Variants in APLP2 observed in about 807,000 individuals in gnomAD.
APLP2 encodes amyloid beta precursor like protein 2.
In APLP2, 53 loss-of-function variants were observed where a neutral mutation model predicts 89.9. That is an observed-to-expected ratio of 0.59 (90% CI 0.47 to 0.74). The LOEUF is 0.74. Ranked by LOEUF, APLP2 falls within the 30% of genes least tolerant of loss-of-function variation. The pLI, the probability that APLP2 is intolerant of heterozygous loss-of-function variation, is 0.00. For missense variants in APLP2, 973 were observed against 975.9 expected (o/e 1.00, Z 0.04); for synonymous variants, 372 against 348.6 (o/e 1.07, Z -0.75).
intron 1 of APLP2, among the ~76,000 whole-genome samples, chr11:130,092,986 G>A (rs541320135): frequency 4.7e-4 from 71 of 152,150 alleles, no homozygotes; most frequent in Admixed American, 1.2e-3. Context: ...AGGCCCCAGG[G>A]GACATAGATG....
chr11:130,110,699 C>A, intron 3 of APLP2, 38 bp downstream of exon 3: 1 of 1,565,622 alleles, frequency 6.4e-7, no homozygotes, highest in Non-Finnish European at 8.6e-7. Flanking sequence ...AGTGCCAGCC[C>A]CCTCCCATTT....
intron 1 of APLP2, among the ~76,000 whole-genome samples, chr11:130,104,480 A>G (rs1253423190): frequency 1.3e-5 from 2 of 151,936 alleles, no homozygotes; most frequent in Non-Finnish European, 2.9e-5. Flanking sequence ...AGCCTCCCAA[A>G]GTGCTGGGAT....
intron 1 of APLP2, among the ~76,000 whole-genome samples, chr11:130,072,575 C>A (rs1371461861): frequency 6.7e-6 from 1 of 148,810 alleles, no homozygotes; most frequent in Admixed American, 6.8e-5. Flanking sequence ...CTTCCGAGTT[C>A]AAGCGATTCT....
intron 1 of APLP2, 145 bp from the exon 2 acceptor site, chr11:130,109,283 TC>T: frequency 2.8e-6 from 2 of 724,688 alleles, no homozygotes; most frequent in Admixed American, 3.6e-5. Flanking sequence ...CTGTTCTAGC[TC>T]CTGGGAAAAG....
chr11:130,104,240 G>C (rs1947347633), intron 1 of APLP2, among the ~76,000 whole-genome samples: 1 of 100,412 alleles, frequency 1.0e-5, no homozygotes, highest in Non-Finnish European at 1.8e-5. Context: ...TTTTGAGACA[G>C]ATTCTCTGTC....
chr11:130,140,500 T>C lies in APLP2; in HGVS notation c.1923+17T>C, dbSNP rs1952223510. 6.3e-7 allele frequency: 1 copy of C among 1,594,348 alleles called. No homozygotes were observed. The highest frequency in any genetic ancestry group is 1.3e-5 in the African/African-American group (1 of 74,272). On this transcript the variant is annotated intron_variant, in intron 14 of 16. Transcript: ENST00000338167. ...GAAAACATGGTGAGCCTGTTCTTTC[T>C]TCTGCCCAACACGCTTTACTTTTGA...
intron 1 of APLP2, among the ~76,000 whole-genome samples, chr11:130,070,408 G>T (rs1388659613): frequency 7.0e-6 from 1 of 143,280 alleles, no homozygotes; most frequent in Non-Finnish European, 1.5e-5. Context: ...CCGGGCGCCC[G>T]CCCCGCCCTC....
chr11:130,140,648 C>G (rs1952252887), intron 14 of APLP2, 165 bp downstream of exon 14: 1 of 466,392 alleles, frequency 2.1e-6, no homozygotes, highest in Non-Finnish European at 3.8e-6. Context: ...TGGTGTTTAG[C>G]ATCTGGGTAT....
chr11:130,122,383 G>T lies in APLP2; in HGVS notation c.792G>T (p.Gly264=), dbSNP rs749029918. 1.7e-5 allele frequency: 28 copies of T among 1,614,002 alleles called. No individual in the cohort carries two copies. Among genetic ancestry groups the T allele is most frequent in the Non-Finnish European group, 2.3e-5 (27 of 1,180,016 alleles). The change falls in exon 6 of 17, where the codon GGG becomes GGT. Residue 264 remains glycine, a synonymous_variant. Transcript: ENST00000338167. ...AGGATGATGAGGATGAGGAAGAAGGGGAGGAAGTGGTGGAGGACCGAGATT... is the reference window on the plus strand; with the variant it reads ...AGGATGATGAGGATGAGGAAGAAGGTGAGGAAGTGGTGGAGGACCGAGATT... The part of the protein sequence containing the change: ...VDEDDEDEEE[G]EEVVEDRDYY...
chr11:130,076,980 C>G (rs1297501959), intron 1 of APLP2, among the ~76,000 whole-genome samples: 1 of 152,180 alleles, frequency 6.6e-6, no homozygotes, highest in African/African-American at 2.4e-5. Context: ...AGCCTCTAAT[C>G]AGGTTGGGCT....
At chr11:130,124,247 C>T (rs941981059) in intron 7 of APLP2, among the ~76,000 whole-genome samples, 3 of 152,192 alleles carry the variant, frequency 2.0e-5, no homozygotes, top group Admixed American at 6.5e-5. Flanking sequence ...AAAGGAGTGA[C>T]AGTGAAGTAC....
chr11:130,089,701 TC>T (rs1248151776), intron 1 of APLP2, among the ~76,000 whole-genome samples: 2 of 152,206 alleles, frequency 1.3e-5, no homozygotes, highest in African/African-American at 4.8e-5. Context: ...AGGCTAGAAG[TC>T]CCAGTTCAAG....
intron 1 of APLP2, among the ~76,000 whole-genome samples, chr11:130,074,136 C>T (rs1941674737): frequency 6.6e-6 from 1 of 152,196 alleles, no homozygotes; most frequent in South Asian, 2.1e-4. Flanking sequence ...ATCTTATCTG[C>T]TGTCGGTTTT....
intron 1 of APLP2, among the ~76,000 whole-genome samples, chr11:130,091,311 C>T (rs1591779100): frequency 5.1e-5 from 7 of 138,172 alleles, no homozygotes; most frequent in Non-Finnish European, 9.3e-5. Flanking sequence ...GCTGGCCGGG[C>T]GGGGGGCTGA....
rs1475581275 is a variant in APLP2, at chr11:130,130,044, C to T, written c.1462C>T (p.Arg488Cys). 8.1e-6 allele frequency: 13 copies of T among 1,614,028 alleles called. No individual in the cohort carries two copies. Among genetic ancestry groups the T allele is most frequent in the Middle Eastern group, 1.6e-4 (1 of 6,084 alleles). Residue 488 changes from arginine to cysteine, a missense_variant, in exon 11 of 17, where the codon CGC becomes TGC. Transcript: ENST00000338167. ...ALQSDPPRPH[R>C]ILQALRRYVR... The stretch of plus-strand genomic sequence containing the variant: ...CAACTGTTCTCTCTTGCAGCCTCAT[C>T]GCATTCTCCAGGCCTTACGGCGTTA...
At chr11:130,137,661 T>A (rs1057442880) in intron 13 of APLP2, among the ~76,000 whole-genome samples, 11 of 152,236 alleles carry the variant, frequency 7.2e-5, no homozygotes, top group African/African-American at 2.7e-4. Context: ...TATGCCTTAT[T>A]TACAGTCAGG....
chr11:130,108,465 T>C (rs1948097390), intron 1 of APLP2: 1 of 152,232 alleles, frequency 6.6e-6, no homozygotes, highest in African/African-American at 2.4e-5. Context: ...ATGCTCATCA[T>C]CACTGGCCAT....
intron 1 of APLP2, among the ~76,000 whole-genome samples, chr11:130,108,162 C>T (rs909139562): frequency 3.9e-5 from 6 of 152,294 alleles, no homozygotes; most frequent in Admixed American, 1.3e-4. Context: ...TGGGCAAGGA[C>T]TTCATGTCTA....
At chr11:130,138,582 T>G (rs1348934416) in intron 13 of APLP2, among the ~76,000 whole-genome samples, 3 of 79,342 alleles carry the variant, frequency 3.8e-5, no homozygotes, top group Non-Finnish European at 6.7e-5. Flanking sequence ...TGGTGGTAGG[T>G]TTTTTTTTTT....
Sources: gnomAD v4.1 joint callset for allele counts (sites outside exome capture counted in the v4.1 genomes callset) on GRCh38, gnomAD v4.1.1 for gene constraint, MANE v1.5 for transcripts, NCBI Gene and HGNC (gene_info 2026-07-23, HGNC 2026-07-21) for gene names.